TJP1: variants seen among roughly 807,000 people sequenced by gnomAD.
TJP1 encodes the protein tight junction protein 1.
TJP1 carries 43 observed loss-of-function variants against 194.2 expected under a neutral mutation model. That is an observed-to-expected ratio of 0.22 (90% CI 0.17 to 0.29). The LOEUF (loss-of-function observed/expected upper bound fraction) is 0.29. Among genes scored for constraint, TJP1 ranks in the 10% least tolerant of loss-of-function variants. TJP1 has a pLI of 1.00. For synonymous variants in TJP1, 801 were observed against 779.0 expected, an observed-to-expected ratio of 1.03 and a Z score of -0.47; for missense variants, 1,971 against 2,185.7, an observed-to-expected ratio of 0.90 and a Z score of 1.96.
intron 2 of TJP1, among the ~76,000 whole-genome samples, chr15:29,906,196 G>A (rs1436715057): frequency 6.6e-6 from 1 of 152,074 alleles, no homozygotes; most frequent in East Asian, 1.9e-4. Context: ...AGTTAGGCCG[G>A]GCGCGGTGGC....
intron 2 of TJP1, among the ~76,000 whole-genome samples, chr15:29,882,295 G>T (rs1043885095): frequency 6.6e-6 from 1 of 152,110 alleles, no homozygotes; most frequent in African/African-American, 2.4e-5. Flanking sequence ...AAGGGGAGAG[G>T]ACATGTCAGT....
At chr15:29,855,759 G>C (rs1415323733) in intron 2 of TJP1, among the ~76,000 whole-genome samples, 1 of 152,050 alleles carries the variant, frequency 6.6e-6, no homozygotes, top group Non-Finnish European at 1.5e-5. Context: ...AGGAGGCTGA[G>C]GCACGAGAAT....
intron 4 of TJP1, among the ~76,000 whole-genome samples, chr15:29,767,348 T>C (rs562526837): frequency 6.6e-6 from 1 of 152,330 alleles, no homozygotes; most frequent in East Asian, 1.9e-4. Context: ...TCCTTGTGTA[T>C]CACTCCTTGT....
intron 2 of TJP1, among the ~76,000 whole-genome samples, chr15:29,949,874 TCCACAACCA>T (rs2055587725): frequency 1.9e-5 from 1 of 52,404 alleles, no homozygotes; most frequent in African/African-American, 8.8e-5. Flanking sequence ...CACCTCCACC[TCCACAACCA>T]CCACCTCCAC....
chr15:29,934,580 C>T (rs2054824335), intron 2 of TJP1, among the ~76,000 whole-genome samples: 1 of 152,174 alleles, frequency 6.6e-6, no homozygotes, highest in Non-Finnish European at 1.5e-5. Context: ...CTAATGTAGA[C>T]ATCCTCTGTC....
chr15:29,822,561 G>A (rs1300007370), upstream of TJP1: 7 of 791,884 alleles, frequency 8.8e-6, no homozygotes, highest in Admixed American at 1.3e-4. Context: ...AGGGGGCGGG[G>A]CCGCGGCGGG....
At chr15:29,833,319 T>C (rs547889155) in intron 2 of TJP1, among the ~76,000 whole-genome samples, 1 of 152,310 alleles carries the variant, frequency 6.6e-6, no homozygotes, top group African/African-American at 2.4e-5. Flanking sequence ...TTAGTATCAT[T>C]AGCAAAATAC....
intron 2 of TJP1, among the ~76,000 whole-genome samples, chr15:29,880,199 G>A (rs1473047617): frequency 6.6e-6 from 1 of 151,838 alleles, no homozygotes; most frequent in East Asian, 1.9e-4. Flanking sequence ...CATTTTTGGT[G>A]TCTAAAACTG....
intron 25 of TJP1, among the ~76,000 whole-genome samples, chr15:29,708,057 G>A (rs1167314986): frequency 6.6e-6 from 1 of 152,068 alleles, no homozygotes; most frequent in Admixed American, 6.5e-5. Flanking sequence ...TTAGCCAGGC[G>A]TGGTGGCACA....
chr15:29,776,874 C>T (rs180997719), intron 2 of TJP1, among the ~76,000 whole-genome samples: 112 of 152,276 alleles, frequency 7.4e-4, no homozygotes, highest in Admixed American at 3.0e-3. Context: ...AATCAGTTTT[C>T]ATTGTTAGCA....
chr15:29,897,056 C>A (rs1085231), intron 2 of TJP1, among the ~76,000 whole-genome samples: 12,601 of 152,220 alleles, frequency 0.083, 593 homozygotes, highest in South Asian at 0.12. Flanking sequence ...AATGTTAATT[C>A]CCAAGACAAT....
At chr15:29,763,767 C>A (rs75183711) in intron 5 of TJP1, among the ~76,000 whole-genome samples, 1,742 of 121,778 alleles carry the variant, frequency 0.014, no homozygotes, top group Non-Finnish European at 0.016. Flanking sequence ...GACTCCGTCT[C>A]AAAAAAAAAA....
At chr15:29,780,937 T>C (rs1231226362) in intron 2 of TJP1, among the ~76,000 whole-genome samples, 1 of 150,922 alleles carries the variant, frequency 6.6e-6, no homozygotes, top group African/African-American at 2.4e-5. Context: ...CAAAAAGAAC[T>C]ATAGGAACAA....
At chr15:29,726,289 C>T (rs975704816) in intron 18 of TJP1, 90 bp downstream of exon 18, 12 of 1,094,958 alleles carry the variant, frequency 1.1e-5, no homozygotes, top group African/African-American at 1.6e-5. Context: ...ATATGTTGAT[C>T]TAATTAGAAA....
intron 24 of TJP1, among the ~76,000 whole-genome samples, chr15:29,709,915 G>A (rs919652784): frequency 1.3e-5 from 2 of 152,184 alleles, no homozygotes; most frequent in African/African-American, 2.4e-5. Flanking sequence ...AGAGGCCGAG[G>A]TGGGCGGATC....
At chr15:29,867,021 T>C (rs903173877) in intron 2 of TJP1, among the ~76,000 whole-genome samples, 1 of 152,246 alleles carries the variant, frequency 6.6e-6, no homozygotes, top group Non-Finnish European at 1.5e-5. Flanking sequence ...AAGATGCCTA[T>C]GCTTCCAGTT....
At chr15:29,708,466 G>C in intron 25 of TJP1, 93 bp downstream of exon 25, 3 of 1,029,632 alleles carry the variant, frequency 2.9e-6, no homozygotes, top group Non-Finnish European at 4.3e-6. Flanking sequence ...GAGTTAAAAA[G>C]ATCACTTTAA....
chr15:29,945,211 C>T (rs2055231673), intron 2 of TJP1, among the ~76,000 whole-genome samples: 1 of 152,152 alleles, frequency 6.6e-6, no homozygotes, highest in African/African-American at 2.4e-5. Context: ...AGGTCTAGGC[C>T]CTAACACTGG....
chr15:29,725,952 T>G (rs932146339), intron 18 of TJP1, among the ~76,000 whole-genome samples: 1 of 152,184 alleles, frequency 6.6e-6, no homozygotes, highest in Non-Finnish European at 1.5e-5. Context: ...GCCTTCATAG[T>G]GCCTTCTCTC....
Sources: gnomAD v4.1 joint callset for allele counts (sites outside exome capture counted in the v4.1 genomes callset) on GRCh38, gnomAD v4.1.1 for gene constraint, MANE v1.5 for transcripts, NCBI Gene and HGNC (gene_info 2026-07-23, HGNC 2026-07-21) for gene names.